Variants in PRTG observed in about 807,000 individuals in gnomAD.
PRTG encodes the protein protogenin.
PRTG carries 67 observed loss-of-function variants against 122.5 expected under a neutral mutation model. The ratio of observed to expected loss-of-function variants is 0.55; its 90% CI spans 0.45 to 0.67. The LOEUF is 0.67. Among genes scored for constraint, PRTG ranks in the 30% least tolerant of loss-of-function variants. PRTG has a pLI of 0.00. For synonymous variants in PRTG, 554 were observed against 501.1 expected, an observed-to-expected ratio of 1.11 and a Z score of -1.41; for missense variants, 1,435 against 1,415.4, an observed-to-expected ratio of 1.01 and a Z score of -0.22.
chr15:55,659,664 G>T (rs1434679995), intron 11 of PRTG, among the ~76,000 whole-genome samples: 1 of 152,120 alleles, frequency 6.6e-6, no homozygotes, highest in Admixed American at 6.5e-5. Flanking sequence ...AGTGGTTCAC[G>T]CCTGTAATCC....
intron 2 of PRTG, among the ~76,000 whole-genome samples, chr15:55,722,759 C>T (rs1026148012): frequency 9.9e-6 from 1 of 100,568 alleles, no homozygotes; most frequent in Non-Finnish European, 2.0e-5. Context: ...ACAGAACATA[C>T]TTAAAACACC....
intron 2 of PRTG, among the ~76,000 whole-genome samples, chr15:55,729,200 G>A (rs1465140562): frequency 6.6e-6 from 1 of 152,212 alleles, no homozygotes; most frequent in East Asian, 1.9e-4. Context: ...AAAAAGGAAT[G>A]AAGTACTGAT....
intron 2 of PRTG, among the ~76,000 whole-genome samples, chr15:55,719,256 G>A (rs1172994488): frequency 1.3e-5 from 2 of 152,194 alleles, no homozygotes; most frequent in African/African-American, 4.8e-5. Flanking sequence ...ACAAGTTAAT[G>A]AGAAATTGTT....
In PRTG at chr15:55,639,823, G is replaced by A. The variant is rs1279671217; in HGVS notation, c.2143C>T (p.Arg715Cys). ...GGTGGAGGAGGGACCATGCGATCACGAACAGCTATTGAGAAAAACAATGTT... is the reference window on the plus strand; with the variant it reads ...GGTGGAGGAGGGACCATGCGATCACAAACAGCTATTGAGAAAAACAATGTT... ...TVSTPGCVSV[R>C]DRMVPPPPPP... The change falls in exon 13 of 20, where the codon CGT (arginine) becomes TGT (cysteine). Residue 715 changes from arginine (R) to cysteine (C), a missense_variant. Coordinates refer to ENST00000389286, the MANE Select transcript of PRTG (RefSeq NM_173814.6). The A allele has an allele frequency of 3.7e-6, 6 of 1,613,708 alleles. No homozygotes were observed. The highest frequency in any genetic ancestry group is 2.2e-5 in the East Asian group (1 of 44,882).
At chr15:55,629,461 T>C (rs1284649617) in intron 15 of PRTG, among the ~76,000 whole-genome samples, 1 of 150,608 alleles carries the variant, frequency 6.6e-6, no homozygotes, top group Non-Finnish European at 1.5e-5. Context: ...TACATAGATA[T>C]GAATACAAAC....
chr15:55,730,102 C>T (rs997329749), intron 2 of PRTG, among the ~76,000 whole-genome samples: 2 of 152,048 alleles, frequency 1.3e-5, no homozygotes, highest in Non-Finnish European at 2.9e-5. Context: ...TTAATTTCAG[C>T]GTTGTTACTT....
chr15:55,691,919 C>T (rs937658921), intron 2 of PRTG, among the ~76,000 whole-genome samples: 2 of 151,958 alleles, frequency 1.3e-5, no homozygotes, highest in African/African-American at 4.8e-5. Context: ...AGCCTGCAGT[C>T]CCAGCTACTC....
At position 55,646,084 on chromosome 15, in the gene PRTG, G is replaced by A. The variant is rs1242613430; in HGVS notation, c.2042-4876C>T. Among the ~76,000 whole-genome samples the A allele has an allele frequency of 2.0e-5, 3 of 151,674 alleles. 1 individual carries two copies. Among genetic ancestry groups the A allele is most frequent in the South Asian group, 4.2e-4 (2 of 4,810 alleles). On this transcript the variant is annotated intron_variant, in intron 11 of 19. Transcript: ENST00000389286. ...TGCAGTGGTGCGATCCCAGCTCACCGCAACCTCCTCCTCCCGCATTCAAGC... is the reference window on the plus strand; with the variant it reads ...TGCAGTGGTGCGATCCCAGCTCACCACAACCTCCTCCTCCCGCATTCAAGC...
chr15:55,683,685 C>T, intron 3 of PRTG, 102 bp downstream of exon 3: 1 of 910,076 alleles, frequency 1.1e-6, no homozygotes, highest in Non-Finnish European at 1.6e-6. Flanking sequence ...TATTACTGCC[C>T]TAAATAAAAA....
chr15:55,731,366 C>CTTTTTTT (rs10658460), intron 2 of PRTG, among the ~76,000 whole-genome samples: 4 of 103,774 alleles, frequency 3.9e-5, no homozygotes, highest in African/African-American at 1.2e-4. Context: ...CCTTATCATT[C>CTTTTTTT]TTTTTTTTTT....
intron 1 of PRTG, among the ~76,000 whole-genome samples, chr15:55,741,116 T>C (rs1319434943): frequency 1.3e-5 from 2 of 152,232 alleles, no homozygotes; most frequent in Non-Finnish European, 1.5e-5. Context: ...TATTTCCTTG[T>C]CCCTTGAAGT....
intron 11 of PRTG, among the ~76,000 whole-genome samples, chr15:55,658,961 T>A (rs750726214): frequency 6.6e-6 from 1 of 152,186 alleles, no homozygotes; most frequent in Non-Finnish European, 1.5e-5. Context: ...ATTGTGATAA[T>A]CAGGCAAAAT....
chr15:55,626,496 C>G (rs752496823), intron 17 of PRTG, among the ~76,000 whole-genome samples: 3 of 151,176 alleles, frequency 2.0e-5, no homozygotes, highest in Non-Finnish European at 4.4e-5. Context: ...GTAATCTCAG[C>G]ACTTTGGGAG....
chr15:55,733,126 T>C (rs1954851123), intron 2 of PRTG, among the ~76,000 whole-genome samples: 4 of 152,048 alleles, frequency 2.6e-5, no homozygotes, highest in African/African-American at 9.7e-5. Flanking sequence ...GGAGAATCGC[T>C]TGAACCCGGG....
chr15:55,637,356 A>C lies in PRTG; in HGVS notation c.2453-16T>G. 6.3e-7 allele frequency: 1 copy of C among 1,596,742 alleles called. No individual in the cohort carries two copies. Among genetic ancestry groups the C allele is most frequent in the Non-Finnish European group, 8.5e-7 (1 of 1,172,298 alleles). ...CCTGCTGGTGCTGTGCAGACACAAC[A>C]AAACATTGTATTAATATAGTAAAAT... On this transcript the variant is annotated splice_polypyrimidine_tract_variant and intron_variant, in intron 14 of 19. Coordinates refer to ENST00000389286, the MANE Select transcript of PRTG (RefSeq NM_173814.6).
intron 11 of PRTG, among the ~76,000 whole-genome samples, chr15:55,651,821 G>A (rs2059354616): frequency 6.6e-6 from 1 of 152,178 alleles, no homozygotes; most frequent in Non-Finnish European, 1.5e-5. Flanking sequence ...TCAAGAACAT[G>A]AGAAAACTTT....
intron 2 of PRTG, among the ~76,000 whole-genome samples, chr15:55,735,870 C>A (rs1164637026): frequency 6.6e-6 from 1 of 151,954 alleles, no homozygotes; most frequent in Non-Finnish European, 1.5e-5. Context: ...ACCTGATAAA[C>A]AGACTTTAAG....
intron 2 of PRTG, among the ~76,000 whole-genome samples, chr15:55,721,538 A>G (rs1229090544): frequency 6.6e-6 from 1 of 152,120 alleles, no homozygotes; most frequent in Non-Finnish European, 1.5e-5. Flanking sequence ...GTTTCTTACT[A>G]CTATGCTTTC....
intron 11 of PRTG, among the ~76,000 whole-genome samples, chr15:55,648,242 T>C (rs2059334856): frequency 1.3e-5 from 2 of 152,180 alleles, no homozygotes; most frequent in African/African-American, 4.8e-5. Flanking sequence ...TTCAATCTGT[T>C]ATTAATAATT....
Sources: allele counts gnomAD v4.1 joint callset (sites outside exome capture counted in the v4.1 genomes callset), GRCh38; gene constraint gnomAD v4.1.1; transcripts MANE v1.5; gene names NCBI Gene and HGNC (gene_info 2026-07-23, HGNC 2026-07-21).